Variants in DDX60 observed in about 807,000 individuals in gnomAD.
DDX60 encodes the protein probable ATP-dependent RNA helicase DDX60.
A neutral mutation model predicts 212.8 loss-of-function variants in DDX60; 165 were observed. That is an observed-to-expected ratio of 0.78 (90% CI 0.68 to 0.88). The LOEUF (loss-of-function observed/expected upper bound fraction) is 0.88. DDX60 is among the 40% of genes least tolerant of loss of function. The pLI is 0.00. For synonymous variants in DDX60, 703 were observed against 685.3 expected (o/e 1.03, Z -0.40); for missense variants, 1,905 against 2,003.9 (o/e 0.95, Z 0.94).
In DDX60 at chr4:168,237,268, AT is replaced by A; in HGVS notation, c.4411+17del. On this transcript the variant is annotated intron_variant, in intron 32 of 37. Coordinates refer to ENST00000393743, the MANE Select transcript of DDX60 (RefSeq NM_017631.6). ...TTGGACTCTCTCTCTACATATATAT[AT>A]AAAATCTCAAGCTTACCTTTCCTGG... 1 of 1,498,730 alleles carries A rather than the reference AT, an allele frequency of 6.7e-7. No homozygotes were observed. Among genetic ancestry groups the A allele is most frequent in the Non-Finnish European group, 8.9e-7 (1 of 1,122,610 alleles). The allele number at this position is 1,498,730 out of a possible 1,614,324, so 92.8% of individuals were successfully genotyped here.
At chr4:168,318,980 TA>T (rs151095226), upstream of DDX60, among the ~76,000 whole-genome samples, 4,908 of 152,308 alleles carry the variant, frequency 0.032, 89 homozygotes, top group Non-Finnish European at 0.048. Flanking sequence ...CCAGTTCTGG[TA>T]TTCTATTCTG....
At chr4:168,259,982 A>G (rs1313017091) in intron 25 of DDX60, among the ~76,000 whole-genome samples, 1 of 152,154 alleles carries the variant, frequency 6.6e-6, no homozygotes, top group Non-Finnish European at 1.5e-5. Context: ...CTAAATAAAA[A>G]ATAATAGTTT....
intron 5 of DDX60, among the ~76,000 whole-genome samples, chr4:168,305,494 A>G (rs1736835927): frequency 6.6e-6 from 1 of 151,670 alleles, no homozygotes; most frequent in Admixed American, 6.6e-5. Flanking sequence ...TGTATTTATA[A>G]TTTTATAAAT....
chr4:168,217,264 G>A (rs1732881235), intron 37 of DDX60, among the ~76,000 whole-genome samples: 1 of 152,076 alleles, frequency 6.6e-6, no homozygotes. Context: ...CTATTACCAA[G>A]AGAGTCTGAA....
intron 32 of DDX60, among the ~76,000 whole-genome samples, chr4:168,236,820 A>C (rs1426490910): frequency 6.6e-6 from 1 of 151,822 alleles, no homozygotes; most frequent in Non-Finnish European, 1.5e-5. Context: ...TTAGCTATTT[A>C]GGTATACTAT....
Position 168,291,809 on chromosome 4 carries a change from C to T in DDX60, c.980G>A (p.Arg327Lys), listed in dbSNP as rs1202467821. 4 of 1,613,660 alleles carry T rather than the reference C, an allele frequency of 2.5e-6. No homozygotes were observed. In the Admixed American group the frequency reaches 5.0e-5, roughly 20 times the overall value. The change falls in exon 8 of 38, where the codon AGA becomes AAA. Residue 327 changes from arginine (R) to lysine (K), a missense_variant. Transcript: ENST00000393743. ...GGAAGTGATGACTCTAGCACAAGCT[C>T]TTTGAGAAAGAGGCAGATGGAGTAG... ...VFLLHLPLSQ[R>K]ACARVITSHW... is the part of the protein sequence containing the mutation.
intron 9 of DDX60, 111 bp from the exon 10 acceptor site, chr4:168,287,314 T>C: frequency 9.5e-7 from 1 of 1,049,216 alleles, no homozygotes. Context: ...TTCCACATAG[T>C]GAAATTTTTA....
intron 28 of DDX60, among the ~76,000 whole-genome samples, chr4:168,248,684 T>C (rs1054801006): frequency 1.3e-5 from 2 of 152,168 alleles, no homozygotes; most frequent in Admixed American, 6.5e-5. Context: ...ACTTGTCTTA[T>C]ACCAGACTCC....
chr4:168,231,979 A>T (rs537998657), intron 33 of DDX60, among the ~76,000 whole-genome samples: 6 of 152,174 alleles, frequency 3.9e-5, no homozygotes, highest in Non-Finnish European at 8.8e-5. Context: ...AGACTCGTCT[A>T]AAAAGCTCCT....
Position 168,311,297 on chromosome 4 carries a change from G to A in DDX60, c.-38C>T. ...CTGTGCCTCCAACCTGAACTGGCAA[G>A]TATTAAAGGTAGCAAATACCCTTTA... On this transcript the variant is annotated 5_prime_UTR_variant, in exon 2 of 38. Transcript: ENST00000393743. 4 of 1,611,090 alleles carry A rather than the reference G, an allele frequency of 2.5e-6. No homozygotes were observed. Among genetic ancestry groups the A allele is most frequent in the Non-Finnish European group, 3.4e-6 (4 of 1,178,500 alleles).
chr4:168,273,664 T>C (rs1735199117), intron 17 of DDX60, among the ~76,000 whole-genome samples: 1 of 152,188 alleles, frequency 6.6e-6, no homozygotes, highest in Non-Finnish European at 1.5e-5. Flanking sequence ...ATGTTGCCTA[T>C]ATATCAGAAA....
chr4:168,236,055 T>G (rs1389175163), intron 33 of DDX60, 197 bp downstream of exon 33: 2 of 471,400 alleles, frequency 4.2e-6, no homozygotes, highest in Admixed American at 4.4e-5. Flanking sequence ...TCACAAAGAC[T>G]TTAACTTTTT....
At chr4:168,281,410 T>G (rs574595005) in intron 13 of DDX60, among the ~76,000 whole-genome samples, 2 of 152,320 alleles carry the variant, frequency 1.3e-5, no homozygotes, top group Non-Finnish European at 2.9e-5. Flanking sequence ...TAGTTGTAAT[T>G]TCATTTGCCA....
At chr4:168,264,029 T>C (rs958768) in intron 22 of DDX60, among the ~76,000 whole-genome samples, 77,341 of 151,930 alleles carry the variant, frequency 0.51, 21,724 homozygotes, top group African/African-American at 0.77. Context: ...GCTATTAATA[T>C]GTTTTAAAAT....
chr4:168,287,097 C>T lies in DDX60; in HGVS notation c.1290G>A (p.Leu430=). The T allele has an allele frequency of 1.2e-6, 2 of 1,611,676 alleles. No individual in the cohort carries two copies. Among genetic ancestry groups the T allele is most frequent in the African/African-American group, 1.3e-5 (1 of 74,902 alleles). Residue 430 remains leucine (L), a synonymous_variant, in exon 10 of 38, where the codon CTG becomes CTA. Coordinates refer to ENST00000393743, the MANE Select transcript of DDX60 (RefSeq NM_017631.6). ...RDFEVGQPFP[L]RTTKVCFLEK... is the part of the protein sequence containing the mutation. The stretch of plus-strand genomic sequence containing the variant: ...CAAGAAAACAAACTTTTGTTGTTCT[C>T]AGAGGAAATGGCTGTCCAACCTCAA...
chr4:168,226,484 C>T (rs763728648), intron 33 of DDX60, among the ~76,000 whole-genome samples: 33 of 151,892 alleles, frequency 2.2e-4, no homozygotes, highest in Non-Finnish European at 4.1e-4. Context: ...AAAGCAGCCC[C>T]CACCAGACAC....
intron 30 of DDX60, among the ~76,000 whole-genome samples, chr4:168,242,166 G>A (rs922084005): frequency 4.6e-5 from 7 of 152,178 alleles, no homozygotes; most frequent in Non-Finnish European, 5.9e-5. Context: ...GAAACTTCCC[G>A]GATGTCCAGG....
chr4:168,284,673 A>ATC (rs1396326242), intron 12 of DDX60, 147 bp downstream of exon 12: 1 of 472,646 alleles, frequency 2.1e-6, no homozygotes, highest in East Asian at 3.1e-5. Context: ...TTTCATTACC[A>ATC]TCTTTCCCAA....
chr4:168,313,202 G>A (rs1420601686), intron 1 of DDX60, among the ~76,000 whole-genome samples: 1 of 152,164 alleles, frequency 6.6e-6, no homozygotes, highest in Admixed American at 6.5e-5. Context: ...CCTGTGTTCT[G>A]AGGTTTCAAG....
Sources: gnomAD v4.1 joint callset for allele counts (sites outside exome capture counted in the v4.1 genomes callset) on GRCh38, gnomAD v4.1.1 for gene constraint, MANE v1.5 for transcripts, NCBI Gene and HGNC (gene_info 2026-07-23, HGNC 2026-07-21) for gene names.